Variants in APLF observed in about 807,000 individuals in gnomAD.
APLF encodes the protein aprataxin and PNKP like factor.
A neutral mutation model predicts 55.6 loss-of-function variants in APLF; 61 were observed. The observed-to-expected ratio is 1.10, with a 90% confidence interval of 0.89 to 1.36. The LOEUF (loss-of-function observed/expected upper bound fraction) is 1.36. Ranked by LOEUF, APLF falls within the 40% of genes most tolerant of loss-of-function variation. The pLI, the probability that APLF is intolerant of heterozygous loss-of-function variation, is 0.00. For synonymous variants in APLF, 207 were observed against 214.8 expected (o/e 0.96, Z 0.32); for missense variants, 611 against 602.5 (o/e 1.01, Z -0.15).
At chr2:68,517,141 A>C (rs1305991733) in intron 5 of APLF, among the ~76,000 whole-genome samples, 3 of 125,020 alleles carry the variant, frequency 2.4e-5, no homozygotes, top group African/African-American at 3.2e-5. Context: ...TAACATATTA[A>C]TATATGTTAT....
intron 9 of APLF, among the ~76,000 whole-genome samples, chr2:68,572,136 A>G (rs1671487205): frequency 1.4e-5 from 2 of 146,334 alleles, no homozygotes; most frequent in African/African-American, 5.5e-5. Flanking sequence ...AATTCTATAA[A>G]CTGCTGCTTA....
At chr2:68,555,234 C>G (rs573012315) in intron 8 of APLF, among the ~76,000 whole-genome samples, 103 of 152,238 alleles carry the variant, frequency 6.8e-4, no homozygotes, top group African/African-American at 2.4e-3. Flanking sequence ...AAAAACCCTT[C>G]TAGACATTGG....
intron 1 of APLF, among the ~76,000 whole-genome samples, chr2:68,480,100 G>GGT (rs983068267): frequency 3.4e-4 from 51 of 152,152 alleles, no homozygotes; most frequent in African/African-American, 1.2e-3. Flanking sequence ...GTAGGCTATT[G>GGT]GTAGTTAAGT....
chr2:68,553,781 C>T (rs978841760), intron 8 of APLF, among the ~76,000 whole-genome samples: 1 of 151,962 alleles, frequency 6.6e-6, no homozygotes, highest in African/African-American at 2.4e-5. Flanking sequence ...TCATGAGCTA[C>T]AACATGTTTA....
intron 2 of APLF, among the ~76,000 whole-genome samples, chr2:68,501,407 C>T (rs1676717560): frequency 6.6e-6 from 1 of 151,212 alleles, no homozygotes; most frequent in African/African-American, 2.4e-5. Context: ...GAGATCGGTG[C>T]TCTCTATAAG....
chr2:68,525,439 A>G (rs937970410), intron 5 of APLF, among the ~76,000 whole-genome samples: 12 of 152,256 alleles, frequency 7.9e-5, no homozygotes, highest in African/African-American at 2.9e-4. Context: ...AAAAAATAAC[A>G]TGTATCAGGT....
chr2:68,555,586 A>C (rs896363004), intron 8 of APLF, among the ~76,000 whole-genome samples: 9 of 152,172 alleles, frequency 5.9e-5, no homozygotes, highest in African/African-American at 1.9e-4. Flanking sequence ...TGATCAGGGA[A>C]ATGCTAATTA....
chr2:68,545,183 C>G lies in APLF; in HGVS notation c.1161-4C>G, dbSNP rs1670669103. On this transcript the variant is annotated splice_polypyrimidine_tract_variant and splice_region_variant and intron_variant, in intron 7 of 9. Transcript: ENST00000303795. Reference sequence around the variant, plus strand: ...TTCTGACAGTATATTTGTCGCCCTCCTAGGAAGAATCCTGTTCATTTTCAA... The same window carrying G: ...TTCTGACAGTATATTTGTCGCCCTCGTAGGAAGAATCCTGTTCATTTTCAA... 6.2e-7 allele frequency: 1 copy of G among 1,612,336 alleles called. No individual in the cohort carries two copies. The highest frequency in any genetic ancestry group is 1.3e-5 in the African/African-American group (1 of 74,904).
intron 1 of APLF, among the ~76,000 whole-genome samples, chr2:68,469,918 A>G (rs898834896): frequency 6.6e-6 from 1 of 152,234 alleles, no homozygotes; most frequent in African/African-American, 2.4e-5. Context: ...CACAAACATA[A>G]AAGTTTATAA....
chr2:68,547,188 A>T (rs1670732364), intron 8 of APLF, among the ~76,000 whole-genome samples: 2 of 151,824 alleles, frequency 1.3e-5, no homozygotes, highest in Non-Finnish European at 3.0e-5. Context: ...AGAAACCTCT[A>T]TGAAGAAAAC....
intron 2 of APLF, among the ~76,000 whole-genome samples, chr2:68,493,930 A>G (rs1000044288): frequency 6.6e-6 from 1 of 151,972 alleles, no homozygotes; most frequent in African/African-American, 2.4e-5. Flanking sequence ...AACATGGTGA[A>G]ACCCCGTCTC....
intron 1 of APLF, among the ~76,000 whole-genome samples, chr2:68,471,004 T>A (rs749705515): frequency 2.2e-4 from 33 of 152,234 alleles, no homozygotes; most frequent in Non-Finnish European, 1.6e-4. Flanking sequence ...TGGAATGCTG[T>A]TCCTACCTGC....
At chr2:68,518,260 A>G (rs2103964826) in intron 5 of APLF, among the ~76,000 whole-genome samples, 2 of 118,210 alleles carry the variant, frequency 1.7e-5, no homozygotes, top group South Asian at 4.9e-4. Flanking sequence ...ATATATTATG[A>G]ATAGATAATA....
At position 68,502,844 on chromosome 2, in the gene APLF, C is replaced by T. The variant is rs1451328956; in HGVS notation, c.282C>T (p.Asp94=). 29 of 1,606,286 alleles carry T rather than the reference C, an allele frequency of 1.8e-5. No homozygotes were observed. The highest frequency in any genetic ancestry group is 2.5e-5 in the Non-Finnish European group (29 of 1,177,482). Residue 94 remains aspartate, a synonymous_variant, in exon 3 of 10, where the codon GAC becomes GAT. Transcript: ENST00000303795. ...GAGACAGCTTTTCTTTGTTAGTTGA[C>T]AAATACATTTTCCGCATTCTCTCTA... is the stretch of plus-strand genomic sequence containing the variant. ...NPGDSFSLLV[D]KYIFRILSIP...
chr2:68,573,109 G>T (rs549840353), intron 9 of APLF, among the ~76,000 whole-genome samples: 15 of 152,118 alleles, frequency 9.9e-5, no homozygotes, highest in Non-Finnish European at 2.2e-4. Flanking sequence ...ATAATATGTT[G>T]TTTTAAACAT....
intron 9 of APLF, 27 bp from the exon 10 acceptor site, chr2:68,577,793 G>A: frequency 6.2e-7 from 1 of 1,611,548 alleles, no homozygotes; most frequent in South Asian, 1.1e-5. Context: ...TGATTGATGT[G>A]TTGTGTACCA....
chr2:68,529,529 C>T lies in APLF; in HGVS notation c.804+3287C>T. Reference sequence around the variant, plus strand: ...GCGGAGAGGATACTCCTAAGTCACCCACTTCTCTGTGGCTGGGTGCACACT... The same window carrying T: ...GCGGAGAGGATACTCCTAAGTCACCTACTTCTCTGTGGCTGGGTGCACACT... On this transcript the variant is annotated intron_variant, in intron 6 of 9. Coordinates refer to ENST00000303795, the MANE Select transcript of APLF (RefSeq NM_173545.3). This position sits in a 1 kb window ranked among gnomAD's most constrained non-coding sequence, Gnocchi z 4.4. The T allele has an allele frequency of 2.1e-6, 2 of 958,376 alleles. No homozygotes were observed. Among genetic ancestry groups the T allele is most frequent in the East Asian group, 9.7e-5 (1 of 10,296 alleles). The allele number at this position is 958,376 out of a possible 1,614,324, so 59.4% of individuals were successfully genotyped here.
intron 1 of APLF, among the ~76,000 whole-genome samples, chr2:68,479,538 G>A (rs1245170966): frequency 2.0e-5 from 3 of 152,182 alleles, no homozygotes; most frequent in Non-Finnish European, 4.4e-5. Flanking sequence ...TGCCAGCAAT[G>A]AGGAAGACAT....
intron 2 of APLF, among the ~76,000 whole-genome samples, chr2:68,492,666 C>T (rs114358441): frequency 0.011 from 1,627 of 152,158 alleles, 35 homozygotes; most frequent in African/African-American, 0.037. Flanking sequence ...TTCACTTTTA[C>T]TGGGTCTTTA....
Sources: allele counts gnomAD v4.1 joint callset (sites outside exome capture counted in the v4.1 genomes callset), GRCh38; gene constraint gnomAD v4.1.1; non-coding constraint Gnocchi (gnomAD v3.1); transcripts MANE v1.5; gene names NCBI Gene and HGNC (gene_info 2026-07-23, HGNC 2026-07-21).